Variants in WWP1 observed in about 807,000 individuals in gnomAD.
The protein encoded by WWP1 is NEDD4-like E3 ubiquitin-protein ligase WWP1.
Under a neutral mutation model 130.6 loss-of-function variants are expected in WWP1, and 49 were observed. That is an observed-to-expected ratio of 0.38 (90% CI 0.30 to 0.48). The LOEUF is 0.48. Ranked by LOEUF, WWP1 falls within the 20% of genes least tolerant of loss-of-function variation. The probability of loss-of-function intolerance (pLI) is 0.99; values close to 1 mark genes in which losing one functional copy is unlikely to be tolerated. For synonymous variants in WWP1, 332 were observed against 367.8 expected (o/e 0.90, Z 1.11); for missense variants, 809 against 1,100.6 (o/e 0.74, Z 3.75).
chr8:86,452,263 T>C (rs1199428410), intron 20 of WWP1, among the ~76,000 whole-genome samples: 2 of 152,246 alleles, frequency 1.3e-5, no homozygotes, highest in Non-Finnish European at 1.5e-5. Context: ...GATTTGGCTA[T>C]CTTACTAAAT....
At chr8:86,405,530 CTTTG>C (rs1285755514) in intron 8 of WWP1, among the ~76,000 whole-genome samples, 9 of 151,944 alleles carry the variant, frequency 5.9e-5, no homozygotes, top group East Asian at 1.9e-4. Flanking sequence ...ATGCCATTAC[CTTTG>C]TTTGTTTGTT....
intron 17 of WWP1, 92 bp from the exon 18 acceptor site, chr8:86,442,527 C>G: frequency 8.3e-7 from 1 of 1,200,848 alleles, no homozygotes. Flanking sequence ...GACTGTTGAG[C>G]AGAGGTATGA....
chr8:86,369,919 C>T (rs908681219), intron 2 of WWP1, among the ~76,000 whole-genome samples: 12 of 151,880 alleles, frequency 7.9e-5, no homozygotes, highest in Non-Finnish European at 1.6e-4. Context: ...AAAAAAAACC[C>T]ATGTAATTTG....
At chr8:86,413,866 A>G (rs1808722497) in intron 9 of WWP1, among the ~76,000 whole-genome samples, 1 of 152,216 alleles carries the variant, frequency 6.6e-6, no homozygotes, top group Non-Finnish European at 1.5e-5. Context: ...CTTTGCTTTT[A>G]TTAAGATCAT....
At chr8:86,355,529 T>C (rs1333803651) in intron 1 of WWP1, among the ~76,000 whole-genome samples, 5 of 152,220 alleles carry the variant, frequency 3.3e-5, no homozygotes, top group Non-Finnish European at 7.3e-5. Flanking sequence ...CAATTACTTA[T>C]GGAAATGTTT....
intron 9 of WWP1, among the ~76,000 whole-genome samples, chr8:86,422,967 C>G (rs1809312445): frequency 6.6e-6 from 1 of 151,534 alleles, no homozygotes; most frequent in Non-Finnish European, 1.5e-5. Flanking sequence ...TGCTAAAAAT[C>G]TTTTAGATGG....
chr8:86,395,219 C>G (rs574328398), intron 5 of WWP1, among the ~76,000 whole-genome samples: 5 of 152,204 alleles, frequency 3.3e-5, no homozygotes, highest in Admixed American at 3.3e-4. Flanking sequence ...AACAAGCCAC[C>G]ATAAGCAGAG....
chr8:86,342,890 C>G lies in WWP1; in HGVS notation c.-155C>G. ...CCGCCGCAGGAGGAGGTGCCGCTGC[C>G]GTGGCCGCCCGGCTGCCGGGAGCCG... On this transcript the variant is annotated 5_prime_UTR_variant, in exon 1 of 25. Transcript: ENST00000517970. 1 of 266,582 alleles carries G rather than the reference C, an allele frequency of 3.8e-6. No individual in the cohort carries two copies. The highest frequency in any genetic ancestry group is 6.9e-6 in the Non-Finnish European group (1 of 144,124). The allele number at this position is 266,582 out of a possible 1,614,324, so 16.5% of individuals were successfully genotyped here. A position where few individuals can be genotyped will look rare whatever the true frequency, so the allele number is the denominator to read the frequency against.
At chr8:86,348,825 A>G (rs1445092440) in intron 1 of WWP1, among the ~76,000 whole-genome samples, 1 of 152,310 alleles carries the variant, frequency 6.6e-6, no homozygotes, top group East Asian at 1.9e-4. Context: ...TGTGTAGCAA[A>G]CAGCCCTAAA....
chr8:86,409,193 G>A (rs914974570), intron 8 of WWP1, among the ~76,000 whole-genome samples: 11 of 139,300 alleles, frequency 7.9e-5, no homozygotes, highest in African/African-American at 2.9e-4. Flanking sequence ...TTGTTTTGTT[G>A]CTGATTTTAA....
chr8:86,348,235 T>TC (rs1822702537), intron 1 of WWP1, among the ~76,000 whole-genome samples: 1 of 151,940 alleles, frequency 6.6e-6, no homozygotes, highest in African/African-American at 2.4e-5. Context: ...TTTTTTTTTT[T>TC]GAGACGGAGT....
At position 86,411,844 on chromosome 8, in the gene WWP1, G is replaced by C; in HGVS notation, c.1031G>C (p.Gly344Ala). 6.2e-7 allele frequency: 1 copy of C among 1,610,824 alleles called. No individual in the cohort carries two copies. The highest frequency in any genetic ancestry group is 8.5e-7 in the Non-Finnish European group (1 of 1,177,736). Residue 344 changes from glycine to alanine, a missense_variant, in exon 9 of 25, where the codon GGG becomes GCG. Physicochemically the swap from Gly to Ala is moderately conservative, Grantham distance 60. Transcript: ENST00000517970. ...ATGGATCCTGTACGGCAGCAGTCTGGGAATGCCAACACAGAAACCTTGCCA... is the reference window on the plus strand; with the variant it reads ...ATGGATCCTGTACGGCAGCAGTCTGCGAATGCCAACACAGAAACCTTGCCA... ...GCMDPVRQQS[G>A]NANTETLPSG...
chr8:86,394,933 TAAAA>T (rs10694206), intron 5 of WWP1, among the ~76,000 whole-genome samples: 3 of 76,412 alleles, frequency 3.9e-5, no homozygotes, highest in Admixed American at 1.6e-4. Context: ...CTGTTCTTCT[TAAAA>T]AAAAAAAAAA....
chr8:86,370,442 A>G (rs1295263840), intron 2 of WWP1, among the ~76,000 whole-genome samples: 8 of 152,194 alleles, frequency 5.3e-5, no homozygotes, highest in Middle Eastern at 3.2e-3. Flanking sequence ...AAATGTTTCC[A>G]TAAGATTCAT....
intron 5 of WWP1, 152 bp from the exon 6 acceptor site, chr8:86,398,190 G>C: frequency 1.3e-6 from 1 of 790,788 alleles, no homozygotes; most frequent in African/African-American, 1.7e-5. Context: ...GAGGGGGAAA[G>C]AGGAATTACT....
chr8:86,429,640 C>T (rs1809825898), intron 11 of WWP1, among the ~76,000 whole-genome samples: 1 of 152,074 alleles, frequency 6.6e-6, no homozygotes, highest in Non-Finnish European at 1.5e-5. Context: ...ATAAATGATA[C>T]TGGAGTTGAG....
chr8:86,410,024 A>G (rs535286163), intron 8 of WWP1, among the ~76,000 whole-genome samples: 1 of 152,136 alleles, frequency 6.6e-6, no homozygotes, highest in Non-Finnish European at 1.5e-5. Context: ...TAATCATATG[A>G]CGTTTATCCT....
At chr8:86,461,975 C>G (rs1811791477) in intron 24 of WWP1, 129 bp downstream of exon 24, 1 of 687,440 alleles carries the variant, frequency 1.5e-6, no homozygotes, top group Non-Finnish European at 2.5e-6. Flanking sequence ...ATTTTGAGAA[C>G]AGATTAATAC....
intron 9 of WWP1, among the ~76,000 whole-genome samples, chr8:86,421,095 T>C (rs1313865059): frequency 6.6e-6 from 1 of 152,240 alleles, no homozygotes; most frequent in Non-Finnish European, 1.5e-5. Context: ...TTTAACTCCT[T>C]CTTTCCCGTG....
Sources: gnomAD v4.1 joint callset for allele counts (sites outside exome capture counted in the v4.1 genomes callset) on GRCh38, gnomAD v4.1.1 for gene constraint, MANE v1.5 for transcripts, NCBI Gene and HGNC (gene_info 2026-07-23, HGNC 2026-07-21) for gene names.